Variants in TNKS observed in about 807,000 individuals in gnomAD.
The protein encoded by TNKS is poly [ADP-ribose] polymerase tankyrase-1.
In TNKS, 72 loss-of-function variants were observed where a neutral mutation model predicts 135.8. The ratio of observed to expected loss-of-function variants is 0.53; its 90% CI spans 0.44 to 0.64. The LOEUF is 0.64. Ranked by LOEUF, TNKS falls within the 30% of genes least tolerant of loss-of-function variation. The probability of loss-of-function intolerance (pLI) is 0.00; values close to 1 mark genes in which losing one functional copy is unlikely to be tolerated. For synonymous variants in TNKS, 849 were observed against 649.3 expected (o/e 1.31, Z -4.68); for missense variants, 1,769 against 1,674.0 (o/e 1.06, Z -0.99).
chr8:9,769,926 G>A (rs748026396), intron 25 of TNKS, among the ~76,000 whole-genome samples, 180 bp from the exon 26 acceptor site: 8 of 151,974 alleles, frequency 5.3e-5, no homozygotes, highest in Non-Finnish European at 8.8e-5. Context: ...ATTGAGTCTG[G>A]TAACTGTTTA....
At chr8:9,729,819 A>G (rs6997419) in intron 13 of TNKS, among the ~76,000 whole-genome samples, 115,984 of 140,228 alleles carry the variant, frequency 0.83, 48,054 homozygotes, top group Middle Eastern at 0.89. Flanking sequence ...CTGTCACCAG[A>G]CTAAAGTGCA....
At chr8:9,557,515 A>T (rs1333889234) in intron 1 of TNKS, 1 of 152,030 alleles carries the variant, frequency 6.6e-6, no homozygotes, top group Non-Finnish European at 1.5e-5. Context: ...CACTGCCTGG[A>T]TACCTATTGT....
At chr8:9,674,230 C>T (rs1489711912) in intron 3 of TNKS, among the ~76,000 whole-genome samples, 1 of 152,128 alleles carries the variant, frequency 6.6e-6, no homozygotes, top group Non-Finnish European at 1.5e-5. Flanking sequence ...TTAACCTGTT[C>T]ATTTTCCAGA....
In TNKS at chr8:9,710,127, T is replaced by G. The variant is rs776863946; in HGVS notation, c.1671-15T>G. 2 of 1,613,732 alleles carry G rather than the reference T, an allele frequency of 1.2e-6. No individual in the cohort carries two copies. Among genetic ancestry groups the G allele is most frequent in the Non-Finnish European group, 1.7e-6 (2 of 1,179,726 alleles). On this transcript the variant is annotated splice_polypyrimidine_tract_variant and intron_variant, in intron 10 of 26. Transcript: ENST00000310430. ...GAGAGACAATTACCTTTTCTTTCTTTCCTCTTTTCTGTAGTTTCATGACTC... is the reference window on the plus strand; with the variant it reads ...GAGAGACAATTACCTTTTCTTTCTTGCCTCTTTTCTGTAGTTTCATGACTC...
chr8:9,648,691 G>T (rs1209237332), intron 3 of TNKS, among the ~76,000 whole-genome samples: 1 of 152,174 alleles, frequency 6.6e-6, no homozygotes, highest in Non-Finnish European at 1.5e-5. Flanking sequence ...CTAGGTGATA[G>T]AAATTTTTCA....
chr8:9,613,688 T>C (rs534268747), intron 2 of TNKS, among the ~76,000 whole-genome samples: 174 of 152,344 alleles, frequency 1.1e-3, no homozygotes, highest in Non-Finnish European at 1.5e-3. Context: ...TTCAAGTAAA[T>C]GTTTACTTCT....
rs1278004344 is a variant in TNKS at position 9,744,213 on chromosome 8, G to T, written c.2644-3811G>T. On this transcript the variant is annotated intron_variant, in intron 17 of 26. Transcript: ENST00000310430. ...GGTGTTCTTTATATAATAATGCCTT[G>T]TGTTATATTTGAATACATGTTTATA... 2.6e-5 allele frequency among the ~76,000 whole-genome samples: 4 copies of T among 152,218 alleles called. No individual in the cohort carries two copies. The East Asian group carries it at 5.8e-4, about 22-fold the overall frequency.
chr8:9,559,786 G>C (rs1017073777), intron 1 of TNKS, among the ~76,000 whole-genome samples: 2 of 152,120 alleles, frequency 1.3e-5, no homozygotes, highest in African/African-American at 4.8e-5. Flanking sequence ...ATTACCTTAA[G>C]AATAATCATA....
chr8:9,577,279 A>G (rs1183520369), intron 1 of TNKS, among the ~76,000 whole-genome samples: 1 of 152,232 alleles, frequency 6.6e-6, no homozygotes, highest in Non-Finnish European at 1.5e-5. Flanking sequence ...TCTTAAATGA[A>G]TAGGACAAAT....
intron 26 of TNKS, among the ~76,000 whole-genome samples, chr8:9,775,135 A>G (rs531680797): frequency 6.6e-6 from 1 of 152,190 alleles, no homozygotes; most frequent in South Asian, 2.1e-4. Context: ...TTCAGTTTTT[A>G]CCAGTATGTG....
chr8:9,577,378 A>G (rs1797989087), intron 1 of TNKS, among the ~76,000 whole-genome samples: 1 of 152,140 alleles, frequency 6.6e-6, no homozygotes, highest in Non-Finnish European at 1.5e-5. Context: ...GCATTGCTAT[A>G]AAGAACTACC....
chr8:9,614,746 C>A (rs1799577582), intron 2 of TNKS, among the ~76,000 whole-genome samples: 1 of 152,160 alleles, frequency 6.6e-6, no homozygotes, highest in African/African-American at 2.4e-5. Flanking sequence ...ATTACAGCAA[C>A]AGTCTCCTCC....
intron 26 of TNKS, among the ~76,000 whole-genome samples, chr8:9,773,403 A>T (rs531625021): frequency 6.6e-6 from 1 of 152,178 alleles, no homozygotes; most frequent in South Asian, 2.1e-4. Flanking sequence ...GAGTGGTTTC[A>T]GTTCTCTTTA....
rs781296223 is a variant in TNKS at position 9,780,534 on chromosome 8, A to G, written c.*3798A>G. ...AAGTGATGTTTGAGCTATTGTACAC[A>G]TCTAGCATATGGAAAGCAAATGCAC... is the stretch of plus-strand genomic sequence containing the variant. On this transcript the variant is annotated 3_prime_UTR_variant, in exon 27 of 27. Transcript: ENST00000310430. The G allele has an allele frequency of 6.6e-6, 1 of 152,254 alleles. No individual in the cohort carries two copies. The highest frequency in any genetic ancestry group is 1.5e-5 in the Non-Finnish European group (1 of 68,050). The allele number at this position is 152,254 out of a possible 1,614,324, so 9.4% of individuals were successfully genotyped here. A position where few individuals can be genotyped will look rare whatever the true frequency, so the allele number is the denominator to read the frequency against.
chr8:9,651,426 A>G lies in TNKS; in HGVS notation c.995-28525A>G, dbSNP rs201868646. 4.6e-5 allele frequency among the ~76,000 whole-genome samples: 7 copies of G among 152,332 alleles called. No homozygotes were observed. The East Asian group carries it at 1.2e-3, about 25-fold the overall frequency. On this transcript the variant is annotated intron_variant, in intron 3 of 26. Coordinates refer to ENST00000310430, the MANE Select transcript of TNKS (RefSeq NM_003747.3). ...ACCACCAGAAACATATCTGTGATTA[A>G]CAAAGTTAAATTTATTTCGCTTGTT...
chr8:9,751,573 T>C, intron 18 of TNKS, 36 bp from the exon 19 acceptor site: 1 of 1,578,274 alleles, frequency 6.3e-7, no homozygotes, highest in Non-Finnish European at 8.7e-7. Flanking sequence ...TAATATATAG[T>C]ATTTTCATGG....
chr8:9,660,349 G>A (rs2128787053), intron 3 of TNKS, among the ~76,000 whole-genome samples: 1 of 152,244 alleles, frequency 6.6e-6, no homozygotes, highest in African/African-American at 2.4e-5. Context: ...TAAAATACTG[G>A]CAAACCGAAT....
intron 17 of TNKS, among the ~76,000 whole-genome samples, chr8:9,746,673 C>A: frequency 6.6e-6 from 1 of 152,126 alleles, no homozygotes; most frequent in East Asian, 1.9e-4. Context: ...CCTGGAGCCC[C>A]CAGCCCCAGT....
rs754847841 is a variant in TNKS at position 9,779,379 on chromosome 8, A to C, written c.*2643A>C. 9 of 152,346 alleles carry C rather than the reference A, an allele frequency of 5.9e-5. No individual in the cohort carries two copies. The highest frequency in any genetic ancestry group is 2.9e-5 in the Non-Finnish European group (2 of 68,028). 9.4% of individuals were successfully genotyped at this position (152,346 alleles called of 1,614,324 possible). On this transcript the variant is annotated 3_prime_UTR_variant, in exon 27 of 27. Coordinates refer to ENST00000310430, the MANE Select transcript of TNKS (RefSeq NM_003747.3). ...AAATACTAGCAAGTTAGGATCATCCAATATGGCCTACCCCGAAATGGCCCC... is the reference window on the plus strand; with the variant it reads ...AAATACTAGCAAGTTAGGATCATCCCATATGGCCTACCCCGAAATGGCCCC...
Sources: allele counts gnomAD v4.1 joint callset (sites outside exome capture counted in the v4.1 genomes callset), GRCh38; gene constraint gnomAD v4.1.1; transcripts MANE v1.5; gene names NCBI Gene and HGNC (gene_info 2026-07-23, HGNC 2026-07-21).